CBLB: variants seen among roughly 807,000 people sequenced by gnomAD.
CBLB encodes E3 ubiquitin-protein ligase CBL-B.
In CBLB, 31 loss-of-function variants were observed where a neutral mutation model predicts 104.9. That is an observed-to-expected ratio of 0.30 (90% CI 0.22 to 0.40). The LOEUF (loss-of-function observed/expected upper bound fraction) is 0.40. Ranked by LOEUF, CBLB falls within the 10% of genes least tolerant of loss-of-function variation. The pLI is 1.00. For missense variants in CBLB, 1,062 were observed against 1,214.6 expected (o/e 0.87, Z 1.87); for synonymous variants, 440 against 422.6 (o/e 1.04, Z -0.51).
chr3:105,867,779 T>A (rs2153163814), intron 1 of CBLB, among the ~76,000 whole-genome samples, 188 bp from the exon 2 acceptor site: 1 of 152,210 alleles, frequency 6.6e-6, no homozygotes, highest in South Asian at 2.1e-4. Context: ...ACAGTAGTTT[T>A]AAGAGCAGTG....
intron 2 of CBLB, among the ~76,000 whole-genome samples, chr3:105,862,365 G>T (rs1242986007): frequency 1.3e-5 from 2 of 152,080 alleles, no homozygotes; most frequent in Non-Finnish European, 2.9e-5. Context: ...CTCATTAAGT[G>T]CATCACTGCC....
chr3:105,806,565 T>C (rs2083530316), intron 3 of CBLB, among the ~76,000 whole-genome samples: 1 of 151,246 alleles, frequency 6.6e-6, no homozygotes, highest in Non-Finnish European at 1.5e-5. Flanking sequence ...AAAGATATGA[T>C]GAGTCATAAC....
In CBLB at chr3:105,847,643, T is replaced by A. The variant is rs565082801; in HGVS notation, c.419+5771A>T. Among the ~76,000 whole-genome samples, 58 of 151,936 alleles carry A rather than the reference T, an allele frequency of 3.8e-4. No homozygotes were observed. In the South Asian group the frequency reaches 0.012, roughly 31 times the overall value. ...TTTCCAGTGGTTGTCTAGCAGTGTG[T>A]AGGAGGGGAAAATGGGTTGTAGCAC... is the stretch of plus-strand genomic sequence containing the variant. On this transcript the variant is annotated intron_variant, in intron 3 of 18. Coordinates refer to ENST00000394030, the MANE Select transcript of CBLB (RefSeq NM_170662.5).
intron 3 of CBLB, among the ~76,000 whole-genome samples, chr3:105,794,972 G>A (rs1441428219): frequency 6.6e-6 from 1 of 150,550 alleles, no homozygotes; most frequent in African/African-American, 2.4e-5. Context: ...CTGGAGTGCA[G>A]TGGCGCTAAC....
intron 9 of CBLB, among the ~76,000 whole-genome samples, chr3:105,730,333 G>A (rs180887820): frequency 2.0e-3 from 299 of 152,178 alleles, no homozygotes; most frequent in Non-Finnish European, 3.3e-3. Context: ...TCTAGGATTC[G>A]TTCTCAGATA....
At chr3:105,760,955 T>C (rs946888359) in intron 4 of CBLB, among the ~76,000 whole-genome samples, 4 of 152,170 alleles carry the variant, frequency 2.6e-5, no homozygotes, top group East Asian at 1.9e-4. Context: ...TAAGGAAGAA[T>C]AGAAAGATCA....
intron 18 of CBLB, among the ~76,000 whole-genome samples, chr3:105,666,897 A>G (rs184565443): frequency 6.6e-6 from 1 of 152,196 alleles, no homozygotes; most frequent in Non-Finnish European, 1.5e-5. Flanking sequence ...GGAAAACTCA[A>G]CATTGCCATT....
chr3:105,684,695 G>A (rs1253149005), intron 14 of CBLB, among the ~76,000 whole-genome samples: 1 of 152,046 alleles, frequency 6.6e-6, no homozygotes, highest in Admixed American at 6.5e-5. Flanking sequence ...TGGGATTACA[G>A]GCGCCCACCA....
chr3:105,695,635 CT>C (rs1213181016), intron 12 of CBLB, among the ~76,000 whole-genome samples: 9 of 151,898 alleles, frequency 5.9e-5, no homozygotes, highest in Admixed American at 5.2e-4. Flanking sequence ...GCAAATGTCA[CT>C]TTTTCTAACT....
chr3:105,785,420 A>AT (rs1000388932), intron 3 of CBLB, among the ~76,000 whole-genome samples: 7 of 152,076 alleles, frequency 4.6e-5, no homozygotes, highest in East Asian at 3.9e-4. Flanking sequence ...ATTTTCTCTC[A>AT]TTTTTTTTCT....
intron 3 of CBLB, among the ~76,000 whole-genome samples, chr3:105,847,253 T>C (rs2090366811): frequency 6.6e-6 from 1 of 152,096 alleles, no homozygotes; most frequent in Non-Finnish European, 1.5e-5. Context: ...CAAATTATTC[T>C]TTGTTTAGCC....
intron 18 of CBLB, among the ~76,000 whole-genome samples, chr3:105,662,373 C>T (rs2063872712): frequency 6.6e-6 from 1 of 152,196 alleles, no homozygotes; most frequent in Non-Finnish European, 1.5e-5. Flanking sequence ...ACTGAAATAA[C>T]TATAAATTTT....
At chr3:105,868,277 G>A (rs891100827) in intron 1 of CBLB, 13 of 1,195,182 alleles carry the variant, frequency 1.1e-5, no homozygotes, top group African/African-American at 1.6e-5. Context: ...GAGCGGCCAC[G>A]GAAAGGAGGA....
chr3:105,812,299 A>G (rs1259401873), intron 3 of CBLB, among the ~76,000 whole-genome samples: 5 of 152,232 alleles, frequency 3.3e-5, no homozygotes, highest in Non-Finnish European at 5.9e-5. Context: ...CTATGTCTCA[A>G]TGGCTATGCT....
At chr3:105,860,296 T>C (rs1334074213) in intron 2 of CBLB, among the ~76,000 whole-genome samples, 2 of 152,152 alleles carry the variant, frequency 1.3e-5, no homozygotes, top group Admixed American at 1.3e-4. Context: ...AAATAGCATA[T>C]CCACAACTAC....
intron 1 of CBLB, chr3:105,868,480 G>A (rs1477059047): frequency 5.8e-6 from 2 of 346,606 alleles, no homozygotes; most frequent in African/African-American, 4.2e-5. Flanking sequence ...GGGACACTGT[G>A]GGCTCGGCGC....
chr3:105,829,765 TTTC>T (rs2087190812), intron 3 of CBLB, among the ~76,000 whole-genome samples: 1 of 151,912 alleles, frequency 6.6e-6, no homozygotes, highest in Non-Finnish European at 1.5e-5. Flanking sequence ...TTTTTCTATT[TTTC>T]TTCTACATTA....
intron 13 of CBLB, among the ~76,000 whole-genome samples, chr3:105,692,021 A>G (rs2067767091): frequency 1.3e-5 from 2 of 152,196 alleles, no homozygotes; most frequent in African/African-American, 4.8e-5. Context: ...TTTCATATAC[A>G]TTAATGTTAT....
At chr3:105,792,847 A>G (rs1418359561) in intron 3 of CBLB, among the ~76,000 whole-genome samples, 1 of 151,992 alleles carries the variant, frequency 6.6e-6, no homozygotes, top group Non-Finnish European at 1.5e-5. Context: ...AATGCAAACA[A>G]TCCATCTGCG....
Sources: gnomAD v4.1 joint callset for allele counts (sites outside exome capture counted in the v4.1 genomes callset) on GRCh38, gnomAD v4.1.1 for gene constraint, MANE v1.5 for transcripts, NCBI Gene and HGNC (gene_info 2026-07-23, HGNC 2026-07-21) for gene names.